PPP2R3A: variants seen among roughly 807,000 people sequenced by gnomAD.
The protein encoded by PPP2R3A is serine/threonine-protein phosphatase 2A regulatory subunit B'' subunit alpha.
In PPP2R3A, 80 loss-of-function variants were observed where a neutral mutation model predicts 106.9. The observed-to-expected ratio is 0.75, with a 90% confidence interval of 0.62 to 0.90. PPP2R3A has a LOEUF of 0.90. Among genes scored for constraint, PPP2R3A ranks in the 40% least tolerant of loss-of-function variants. The probability of loss-of-function intolerance (pLI) is 0.00; values close to 1 mark genes in which losing one functional copy is unlikely to be tolerated. For synonymous variants in PPP2R3A, 483 were observed against 468.3 expected, an observed-to-expected ratio of 1.03 and a Z score of -0.41; for missense variants, 1,386 against 1,350.4, an observed-to-expected ratio of 1.03 and a Z score of -0.41.
At chr3:136,049,210 T>A (rs749268141) in intron 4 of PPP2R3A, 49 bp from the exon 5 acceptor site, 1 of 1,356,780 alleles carries the variant, frequency 7.4e-7, no homozygotes, top group Non-Finnish European at 1.0e-6. Flanking sequence ...GTTATTGTCA[T>A]TGTTTGTTCA....
chr3:135,982,435 C>A (rs1937550464), intron 1 of PPP2R3A, among the ~76,000 whole-genome samples: 1 of 152,096 alleles, frequency 6.6e-6, no homozygotes, highest in Non-Finnish European at 1.5e-5. Flanking sequence ...CTCATTATAC[C>A]CTTCAGGGCA....
intron 7 of PPP2R3A, 38 bp downstream of exon 7, chr3:136,078,491 T>C: frequency 1.6e-6 from 2 of 1,278,780 alleles, no homozygotes; most frequent in East Asian, 4.7e-5. Flanking sequence ...AATGAGCAAT[T>C]TAGATAATTT....
chr3:136,096,918 G>T (rs1176610601), intron 10 of PPP2R3A, among the ~76,000 whole-genome samples: 1 of 152,214 alleles, frequency 6.6e-6, no homozygotes, highest in African/African-American at 2.4e-5. Context: ...GCAGTGAGCT[G>T]CGATCATGTC....
intron 13 of PPP2R3A, among the ~76,000 whole-genome samples, chr3:136,112,553 A>G (rs1394453093): frequency 2.0e-5 from 3 of 152,326 alleles, no homozygotes; most frequent in East Asian, 1.9e-4. Context: ...CACAAAAAGA[A>G]TAAGATACCT....
chr3:135,973,063 G>C (rs1937292494), intron 1 of PPP2R3A, among the ~76,000 whole-genome samples: 1 of 152,098 alleles, frequency 6.6e-6, no homozygotes, highest in Non-Finnish European at 1.5e-5. Flanking sequence ...GCAATATATA[G>C]TTTTAGTTCT....
chr3:136,081,629 T>C lies in PPP2R3A; in HGVS notation c.2632-636T>C, dbSNP rs114367213. On this transcript the variant is annotated intron_variant, in intron 7 of 13. Coordinates refer to ENST00000264977, the MANE Select transcript of PPP2R3A (RefSeq NM_002718.5). ...ACTTCTGAATATGTCTTTATTTATC[T>C]GCCCACTTACATAATAATTTGGCTG... 7.1e-3 allele frequency among the ~76,000 whole-genome samples: 1,087 copies of C among 152,300 alleles called. 15 individuals carry two copies. The highest frequency in any genetic ancestry group is 0.023 in the African/African-American group (947 of 41,568).
chr3:136,043,028 A>T (rs115745672), intron 4 of PPP2R3A, among the ~76,000 whole-genome samples: 1,883 of 152,192 alleles, frequency 0.012, 40 homozygotes, highest in African/African-American at 0.044. Flanking sequence ...AGTATATTAA[A>T]ACTTTCAAAT....
intron 10 of PPP2R3A, among the ~76,000 whole-genome samples, chr3:136,100,879 ATAAC>A (rs1178330275): frequency 1.3e-5 from 2 of 152,164 alleles, no homozygotes; most frequent in African/African-American, 4.8e-5. Flanking sequence ...CTCTAATTCT[ATAAC>A]TAGCCAAAAT....
At chr3:135,992,308 TAA>T (rs1044298826) in intron 1 of PPP2R3A, among the ~76,000 whole-genome samples, 2 of 152,204 alleles carry the variant, frequency 1.3e-5, no homozygotes. Flanking sequence ...CTCTGTTAAA[TAA>T]AAAGTTTTCA....
chr3:135,993,432 C>G (rs1933258374), intron 1 of PPP2R3A, among the ~76,000 whole-genome samples: 1 of 152,182 alleles, frequency 6.6e-6, no homozygotes, highest in South Asian at 2.1e-4. Flanking sequence ...CTAGAGCTCT[C>G]AAGTGCTGCT....
At chr3:136,061,867 C>T (rs569791473) in intron 5 of PPP2R3A, among the ~76,000 whole-genome samples, 155 of 141,296 alleles carry the variant, frequency 1.1e-3, no homozygotes, top group African/African-American at 3.8e-3. Context: ...GTGGAGCTTG[C>T]AGTGAGCCGA....
intron 1 of PPP2R3A, among the ~76,000 whole-genome samples, chr3:135,970,658 G>A (rs577865912): frequency 2.0e-5 from 3 of 152,298 alleles, no homozygotes; most frequent in East Asian, 1.9e-4. Flanking sequence ...GTAAGGAAAT[G>A]GGAGTGGCAA....
chr3:136,118,381 A>G (rs571549207), intron 13 of PPP2R3A, among the ~76,000 whole-genome samples: 48 of 152,350 alleles, frequency 3.2e-4, no homozygotes, highest in Non-Finnish European at 5.7e-4. Context: ...GCCCAGGGCA[A>G]TCAGGCAACA....
chr3:136,102,360 T>G (rs1412381054), intron 11 of PPP2R3A, among the ~76,000 whole-genome samples, 178 bp downstream of exon 11: 2 of 149,938 alleles, frequency 1.3e-5, no homozygotes, highest in Non-Finnish European at 3.0e-5. Context: ...TTTTTTTTTT[T>G]TTTTGAGATG....
chr3:136,140,964 G>C (rs115090944), intron 13 of PPP2R3A, among the ~76,000 whole-genome samples: 2 of 152,250 alleles, frequency 1.3e-5, no homozygotes, highest in African/African-American at 2.4e-5. Flanking sequence ...CCATTTTACT[G>C]ACTCCAATCC....
intron 13 of PPP2R3A, among the ~76,000 whole-genome samples, chr3:136,107,810 A>C (rs1937541657): frequency 6.6e-6 from 1 of 152,192 alleles, no homozygotes; most frequent in African/African-American, 2.4e-5. Flanking sequence ...AGAATATAGG[A>C]AAATGGATTC....
intron 5 of PPP2R3A, among the ~76,000 whole-genome samples, chr3:136,067,026 C>A (rs1447794788): frequency 1.3e-5 from 2 of 152,142 alleles, no homozygotes; most frequent in Admixed American, 6.5e-5. Context: ...CAACAAAGAT[C>A]AGGAACAAGG....
intron 1 of PPP2R3A, among the ~76,000 whole-genome samples, chr3:135,966,817 T>C (rs1325128158): frequency 6.6e-6 from 1 of 152,174 alleles, no homozygotes; most frequent in Non-Finnish European, 1.5e-5. Context: ...CAAATCTTCA[T>C]TTATGTACAA....
rs2107976152 is a variant in PPP2R3A at position 136,107,202 on chromosome 3, T to C, written c.3329+880T>C. 1.3e-5 allele frequency among the ~76,000 whole-genome samples: 2 copies of C among 152,130 alleles called. 1 individual carries two copies. The highest frequency in any genetic ancestry group is 4.1e-4 in the South Asian group (2 of 4,822). On this transcript the variant is annotated intron_variant, in intron 13 of 13. Transcript: ENST00000264977. ...CTTTTGTAATTCTTCTAATTCTTCC[T>C]TAGTCATAGCTTCTGTAAAGGCCTC...
Sources: gnomAD v4.1 joint callset for allele counts (sites outside exome capture counted in the v4.1 genomes callset) on GRCh38, gnomAD v4.1.1 for gene constraint, MANE v1.5 for transcripts, NCBI Gene and HGNC (gene_info 2026-07-23, HGNC 2026-07-21) for gene names.